The following GPR161 variants were observed in gnomAD, a reference collection of about 807,000 sequenced individuals.
GPR161 encodes G-protein coupled receptor RE2.
GPR161 carries 25 observed loss-of-function variants against 39.2 expected under a neutral mutation model. That is an observed-to-expected ratio of 0.64 (90% confidence interval 0.47 to 0.89). GPR161 has a LOEUF of 0.89. Among genes scored for constraint, GPR161 ranks in the 40% least tolerant of loss-of-function variants. The probability of loss-of-function intolerance (pLI) is 0.00; values close to 1 mark genes in which losing one functional copy is unlikely to be tolerated. For synonymous variants in GPR161, 286 were observed against 276.6 expected, an observed-to-expected ratio of 1.03 and a Z score of -0.34; for missense variants, 547 against 677.8, an observed-to-expected ratio of 0.81 and a Z score of 2.14.
At chr1:168,111,980 G>A (rs1425835263) in intron 1 of GPR161, among the ~76,000 whole-genome samples, 2 of 150,466 alleles carry the variant, frequency 1.3e-5, no homozygotes, top group African/African-American at 2.4e-5. Context: ...AAAAAAAAGA[G>A]GCCAGAAAAC....
chr1:168,112,409 G>C (rs1285285159), intron 1 of GPR161, among the ~76,000 whole-genome samples: 1 of 145,464 alleles, frequency 6.9e-6, no homozygotes, highest in Non-Finnish European at 1.5e-5. Flanking sequence ...GAACCCGGGA[G>C]GCGGAGCTTG....
At chr1:168,106,379 G>A (rs761201552) in intron 1 of GPR161, among the ~76,000 whole-genome samples, 59 of 152,200 alleles carry the variant, frequency 3.9e-4, no homozygotes, top group Non-Finnish European at 7.3e-4. Context: ...TTGAGCTCAG[G>A]AGTTTGAGAG....
chr1:168,085,093 A>C lies in GPR161; in HGVS notation c.*438T>G, dbSNP rs535110879. On this transcript the variant is annotated 3_prime_UTR_variant, in exon 6 of 6. Coordinates refer to ENST00000682931, the MANE Select transcript of GPR161 (RefSeq NM_001375883.1). ...AGTGCTGTGTCATCCTTCACAGTAC[A>C]CTGGGGAGGGTTCTCCTCCTGAGGC... 1 of 458,354 alleles carries C rather than the reference A, an allele frequency of 2.2e-6. No homozygotes were observed. The highest frequency in any genetic ancestry group is 1.5e-5 in the South Asian group (1 of 64,582). 28.4% of individuals were successfully genotyped at this position (458,354 alleles called of 1,614,324 possible).
chr1:168,112,666 G>C (rs1044998063), intron 1 of GPR161, among the ~76,000 whole-genome samples: 3 of 151,766 alleles, frequency 2.0e-5, no homozygotes, highest in Admixed American at 6.6e-5. Flanking sequence ...GGACCAGCCT[G>C]GCTAACATGG....
chr1:168,118,384 C>T lies in GPR161; in HGVS notation c.-44-13490G>A, dbSNP rs190494039. Among the ~76,000 whole-genome samples the T allele has an allele frequency of 9.3e-5, 14 of 151,336 alleles. 1 individual carries two copies. The highest frequency in any genetic ancestry group is 9.2e-4 in the Admixed American group (14 of 15,254). On this transcript the variant is annotated intron_variant, in intron 1 of 5. Transcript: ENST00000682931. The stretch of plus-strand genomic sequence containing the variant: ...GAATGACAAACACCACATAAGTGGG[C>T]ACTAAATAATGTATACACAGGGACA...
chr1:168,112,900 G>T (rs1234061038), intron 1 of GPR161, among the ~76,000 whole-genome samples: 1 of 152,152 alleles, frequency 6.6e-6, no homozygotes, highest in Non-Finnish European at 1.5e-5. Flanking sequence ...CCCAGAGTTG[G>T]CTTGCAGTCT....
rs1694176809 is a variant in GPR161 at position 168,082,939 on chromosome 1, A to G, written c.*2592T>C. On this transcript the variant is annotated 3_prime_UTR_variant, in exon 6 of 6. Transcript: ENST00000682931. The stretch of plus-strand genomic sequence containing the variant: ...CTCTAGCTGAATAAAGGCAAATTTG[A>G]ATTCCTGAATATGGAAAATATGGTT... 1 of 152,176 alleles carries G rather than the reference A, an allele frequency of 6.6e-6. No individual in the cohort carries two copies. Among genetic ancestry groups the G allele is most frequent in the South Asian group, 2.1e-4 (1 of 4,828 alleles). The allele number at this position is 152,176 out of a possible 1,614,324, so 9.4% of individuals were successfully genotyped here. A position where few individuals can be genotyped will look rare whatever the true frequency, so the allele number is the denominator to read the frequency against.
chr1:168,136,685 CCGG>C, intron 1 of GPR161, 51 bp downstream of exon 1: 3 of 1,117,118 alleles, frequency 2.7e-6, no homozygotes, highest in Non-Finnish European at 3.3e-6. Flanking sequence ...CTGGCTCCAT[CCGG>C]ACCGCCCTCT....
Position 168,085,743 on chromosome 1 carries a change from C to T in GPR161, c.1378G>A (p.Asp460Asn). Residue 460 changes from aspartate (D) to asparagine (N), a missense_variant, in exon 6 of 6, where the codon GAC (aspartate) becomes AAC (asparagine). By Grantham distance (23) the Asp-to-Asn change is conservative. Transcript: ENST00000682931. ...HVKAEVHKSL[D>N]SYAASLAKAI... ...TTGGCCAAGCTTGCTGCGTAACTGT[C>T]CAAGGACTTGTGTACTTCAGCTTTC... 1 of 1,614,188 alleles carries T rather than the reference C, an allele frequency of 6.2e-7. No individual in the cohort carries two copies. Among genetic ancestry groups the T allele is most frequent in the Non-Finnish European group, 8.5e-7 (1 of 1,180,012 alleles).
chr1:168,107,309 G>A (rs896742650), intron 1 of GPR161, among the ~76,000 whole-genome samples: 2 of 152,200 alleles, frequency 1.3e-5, no homozygotes, highest in African/African-American at 4.8e-5. Flanking sequence ...TGAAACTCAC[G>A]TTGAAACTTA....
At chr1:168,091,308 T>C (rs1305951129) in intron 3 of GPR161, among the ~76,000 whole-genome samples, 3 of 151,754 alleles carry the variant, frequency 2.0e-5, no homozygotes, top group Non-Finnish European at 4.4e-5. Context: ...GGAGAGAGAG[T>C]GAGCCCCGGG....
At chr1:168,093,781 A>C (rs1295388151) in intron 3 of GPR161, among the ~76,000 whole-genome samples, 1 of 152,252 alleles carries the variant, frequency 6.6e-6, no homozygotes, top group African/African-American at 2.4e-5. Flanking sequence ...CACAAGGCAG[A>C]GGCCAGGGCT....
At chr1:168,120,931 T>C (rs1281609262) in intron 1 of GPR161, among the ~76,000 whole-genome samples, 1 of 152,252 alleles carries the variant, frequency 6.6e-6, no homozygotes, top group Non-Finnish European at 1.5e-5. Context: ...TATTTCTTTA[T>C]AGCAGTGTGA....
intron 1 of GPR161, chr1:168,136,107 T>C (rs963699818): frequency 4.0e-6 from 5 of 1,260,294 alleles, no homozygotes; most frequent in African/African-American, 1.6e-5. Flanking sequence ...TTCTCCCCTT[T>C]CCAAGAACCA....
In GPR161 at chr1:168,096,690, T is replaced by A. The variant is rs1695576011; in HGVS notation, c.917A>T (p.Glu306Val). 6.2e-7 allele frequency: 1 copy of A among 1,613,872 alleles called. No individual in the cohort carries two copies. The highest frequency in any genetic ancestry group is 8.5e-7 in the Non-Finnish European group (1 of 1,179,984). The change falls in exon 3 of 6, where the codon GAG becomes GTG. Residue 306 changes from glutamate to valine, a missense_variant. Coordinates refer to ENST00000682931, the MANE Select transcript of GPR161 (RefSeq NM_001375883.1). Reference protein sequence around the residue: ...WGKSSVSPSLETWATWLSFAS... With the variant: ...WGKSSVSPSLVTWATWLSFAS... The stretch of plus-strand genomic sequence containing the variant: ...AAAGGACAGCCATGTGGCCCAAGTC[T>A]CCAGGCTCGGGGAGACGGAGCTTTT...
intron 1 of GPR161, among the ~76,000 whole-genome samples, chr1:168,131,972 T>C (rs575563222): frequency 6.6e-6 from 1 of 152,202 alleles, no homozygotes; most frequent in African/African-American, 2.4e-5. Context: ...GCATTTAAAA[T>C]GCACATAACT....
intron 3 of GPR161, among the ~76,000 whole-genome samples, chr1:168,093,933 C>T (rs1695292565): frequency 6.6e-6 from 1 of 150,976 alleles, no homozygotes; most frequent in Non-Finnish European, 1.5e-5. Context: ...CAAGAAGAAC[C>T]ATCCCCCACC....
In GPR161 at chr1:168,136,317, A is replaced by G. The variant is rs566176524; in HGVS notation, c.-45+422T>C. The G allele has an allele frequency of 1.2e-4, 176 of 1,484,074 alleles. No homozygotes were observed. The African/African-American group carries it at 2.4e-3, about 20-fold the overall frequency. The allele number at this position is 1,484,074 out of a possible 1,614,324, so 91.9% of individuals were successfully genotyped here. A position where few individuals can be genotyped will look rare whatever the true frequency, so the allele number is the denominator to read the frequency against. On this transcript the variant is annotated intron_variant, in intron 1 of 5. Transcript: ENST00000682931. ...GCTTCTCCCCACACCCTTTGCCCTGAGCGGGACGTGGAGTCTCTTGGCCCC... is the reference window on the plus strand; with the variant it reads ...GCTTCTCCCCACACCCTTTGCCCTGGGCGGGACGTGGAGTCTCTTGGCCCC...
chr1:168,125,584 C>A (rs557742451), intron 1 of GPR161, among the ~76,000 whole-genome samples: 1 of 151,494 alleles, frequency 6.6e-6, no homozygotes, highest in South Asian at 2.1e-4. Flanking sequence ...CACAGGCCTG[C>A]ATAACATGTA....
Sources: allele counts gnomAD v4.1 joint callset (sites outside exome capture counted in the v4.1 genomes callset), GRCh38; gene constraint gnomAD v4.1.1; transcripts MANE v1.5; gene names NCBI Gene and HGNC (gene_info 2026-07-23, HGNC 2026-07-21).